The following ANK2 variants were observed in gnomAD, a reference collection of about 807,000 sequenced individuals.
ANK2 encodes the protein ankyrin 2.
In ANK2, 83 loss-of-function variants were observed where a neutral mutation model predicts 360.5. The ratio of observed to expected loss-of-function variants is 0.23; its 90% CI spans 0.19 to 0.28. The LOEUF is 0.28. Ranked by LOEUF, ANK2 falls within the 10% of genes least tolerant of loss-of-function variation. The pLI is 1.00. For missense variants in ANK2, 4,201 were observed against 4,795.7 expected, an observed-to-expected ratio of 0.88 and a Z score of 3.66; for synonymous variants, 1,740 against 1,759.5, an observed-to-expected ratio of 0.99 and a Z score of 0.28.
the ANK2 span, among the ~76,000 whole-genome samples, chr4:112,732,852 C>CG: frequency 5.9e-5 from 9 of 151,938 alleles, no homozygotes; most frequent in East Asian, 1.9e-4. Flanking sequence ...GAGGCTGAGG[C>CG]GGGGGGATCA....
At chr4:113,264,798 T>C (rs1173489705) in intron 13 of ANK2, 99 bp from the exon 14 acceptor site, 29 of 1,138,778 alleles carry the variant, frequency 2.5e-5, no homozygotes, top group Non-Finnish European at 3.3e-5. Context: ...CTTAAATCCT[T>C]GGATATATTG....
At chr4:113,252,409 A>G (rs2046953027) in intron 10 of ANK2, among the ~76,000 whole-genome samples, 2 of 152,260 alleles carry the variant, frequency 1.3e-5, no homozygotes, top group South Asian at 4.2e-4. Context: ...CTTTCTTCTG[A>G]AGCAACTATC....
intron 25 of ANK2, 130 bp from the exon 26 acceptor site, chr4:113,318,387 G>T: frequency 1.4e-6 from 1 of 721,328 alleles, no homozygotes; most frequent in Non-Finnish European, 2.4e-6. Flanking sequence ...AAATACATTG[G>T]TTTTATATTT....
At chr4:112,972,934 G>A (rs574877067) in intron 2 of ANK2, among the ~76,000 whole-genome samples, 1 of 152,252 alleles carries the variant, frequency 6.6e-6, no homozygotes, top group East Asian at 1.9e-4. Flanking sequence ...AAACCAAATA[G>A]TGTATGTTCT....
At chr4:112,871,067 C>T (rs915690469) in intron 1 of ANK2, among the ~76,000 whole-genome samples, 16 of 152,100 alleles carry the variant, frequency 1.1e-4, no homozygotes, top group Non-Finnish European at 2.1e-4. Context: ...GATGCTATCA[C>T]AAATGGAATA....
At chr4:112,804,819 G>T in the ANK2 span, among the ~76,000 whole-genome samples, 43 of 151,832 alleles carry the variant, frequency 2.8e-4, no homozygotes, top group Non-Finnish European at 5.4e-4. Flanking sequence ...AACTAGCCAG[G>T]CATGGTGGCA....
At chr4:113,017,955 A>C in intron 2 of ANK2, among the ~76,000 whole-genome samples, 1 of 152,230 alleles carries the variant, frequency 6.6e-6, no homozygotes, top group East Asian at 1.9e-4. Flanking sequence ...TAAGAGCAGA[A>C]GACTGCTGAA....
At chr4:112,894,825 T>C (rs1416168864) in intron 1 of ANK2, among the ~76,000 whole-genome samples, 1 of 152,218 alleles carries the variant, frequency 6.6e-6, no homozygotes, top group East Asian at 1.9e-4. Context: ...GTCACATCAA[T>C]GAAACATGCT....
At chr4:112,796,371 C>T in the ANK2 span, among the ~76,000 whole-genome samples, 4 of 151,680 alleles carry the variant, frequency 2.6e-5, no homozygotes, top group Non-Finnish European at 5.9e-5. Flanking sequence ...TACGGTGAAC[C>T]GAGATTGTGT....
intron 1 of ANK2, among the ~76,000 whole-genome samples, chr4:113,139,274 A>G (rs1187249386): frequency 1.3e-5 from 2 of 152,170 alleles, no homozygotes; most frequent in African/African-American, 2.4e-5. Context: ...TTCTCATGCT[A>G]TGCATCATTT....
intron 2 of ANK2, among the ~76,000 whole-genome samples, chr4:112,933,491 G>A (rs1241492699): frequency 2.0e-5 from 3 of 151,548 alleles, no homozygotes; most frequent in South Asian, 4.2e-4. Flanking sequence ...GTGAGGATCA[G>A]ACAGTCTAAT....
intron 2 of ANK2, among the ~76,000 whole-genome samples, chr4:112,920,166 A>G (rs901290736): frequency 3.3e-5 from 5 of 152,230 alleles, no homozygotes; most frequent in African/African-American, 9.6e-5. Context: ...TCACCACTCT[A>G]TGTTGCCTCT....
intron 15 of ANK2, among the ~76,000 whole-genome samples, chr4:113,276,438 T>C (rs2060278206): frequency 6.6e-6 from 1 of 152,210 alleles, no homozygotes; most frequent in Non-Finnish European, 1.5e-5. Flanking sequence ...CTAATAATCA[T>C]TTCCAAACTT....
chr4:112,909,446 A>G (rs1179322437), intron 2 of ANK2, among the ~76,000 whole-genome samples: 1 of 152,230 alleles, frequency 6.6e-6, no homozygotes, highest in African/African-American at 2.4e-5. Flanking sequence ...TCTCTCATCT[A>G]AACTTAATAG....
intron 40 of ANK2, 98 bp downstream of exon 40, chr4:113,363,567 C>A (rs2096361098): frequency 1.5e-6 from 2 of 1,360,106 alleles, no homozygotes; most frequent in Non-Finnish European, 2.1e-6. Context: ...GAAGCAAATG[C>A]CATTAATCTG....
At chr4:113,256,066 A>ACAAT in intron 11 of ANK2, 134 bp downstream of exon 11, 1 of 1,091,070 alleles carries the variant, frequency 9.2e-7, no homozygotes, top group East Asian at 2.5e-5. Context: ...GTCATCCTTC[A>ACAAT]CAATCAGCCT....
chr4:112,807,762 C>A, the ANK2 span, among the ~76,000 whole-genome samples: 1 of 152,188 alleles, frequency 6.6e-6, no homozygotes. Context: ...TCAACCTGGC[C>A]TTGGGCAATT....
At chr4:113,374,521 C>G (rs983548462) in intron 45 of ANK2, among the ~76,000 whole-genome samples, 17 of 152,018 alleles carry the variant, frequency 1.1e-4, no homozygotes, top group African/African-American at 4.1e-4. Flanking sequence ...ATTCACAAAA[C>G]TGATAACTTT....
At chr4:112,755,803 C>CT in the ANK2 span, 604 of 155,982 alleles carry the variant, frequency 3.9e-3, no homozygotes, top group Middle Eastern at 0.012. Flanking sequence ...TAAATGTTTT[C>CT]TTTTTTTTTT....
Sources: gnomAD v4.1 joint callset for allele counts (sites outside exome capture counted in the v4.1 genomes callset) on GRCh38, gnomAD v4.1.1 for gene constraint, MANE v1.5 for transcripts, NCBI Gene and HGNC (gene_info 2026-07-23, HGNC 2026-07-21) for gene names.